Variants in OPA1 observed in about 807,000 individuals in gnomAD.
OPA1 encodes the protein dynamin-like GTPase OPA1, mitochondrial.
Under a neutral mutation model 152.9 loss-of-function variants are expected in OPA1, and 59 were observed. The ratio of observed to expected loss-of-function variants is 0.39; its 90% CI spans 0.31 to 0.48. The LOEUF (loss-of-function observed/expected upper bound fraction) is 0.48. Ranked by LOEUF, OPA1 falls within the 20% of genes least tolerant of loss-of-function variation. The pLI, the probability that OPA1 is intolerant of heterozygous loss-of-function variation, is 0.96. For synonymous variants in OPA1, 400 were observed against 389.9 expected, an observed-to-expected ratio of 1.03 and a Z score of -0.31; for missense variants, 1,008 against 1,216.8, an observed-to-expected ratio of 0.83 and a Z score of 2.55.
Position 193,643,609 on chromosome 3 carries a change from A to G in OPA1, c.1459A>G (p.Ile487Val), listed in dbSNP as rs387906899. ...SKAYMQNPNA[I>V]ILCIQDGSVD... ...AGCTTACATGCAGAATCCTAATGCC[A>G]TCATACTGTGTATTCAAGGTAAATC... The change falls in exon 15 of 31, where the codon ATC becomes GTC. Residue 487 changes from isoleucine to valine, a missense_variant. Around this residue, in one of 7 missense-constraint regions of OPA1, gnomAD observed 213 missense variants for 291.4 expected, o/e 0.73. Transcript: ENST00000361510. The G allele has an allele frequency of 6.2e-7, 1 of 1,613,086 alleles. No individual in the cohort carries two copies. The highest frequency in any genetic ancestry group is 1.3e-5 in the African/African-American group (1 of 75,024).
chr3:193,607,581 G>A (rs1727488659), intron 1 of OPA1, among the ~76,000 whole-genome samples: 1 of 152,140 alleles, frequency 6.6e-6, no homozygotes, highest in African/African-American at 2.4e-5. Flanking sequence ...TTGTAGATAT[G>A]CGGCGTTATT....
Position 193,666,326 on chromosome 3 carries a change from C to T in OPA1, c.2809C>T (p.Arg937Cys), listed in dbSNP as rs368227232. 6.2e-6 allele frequency: 10 copies of T among 1,613,912 alleles called. No individual in the cohort carries two copies. The highest frequency in any genetic ancestry group is 3.3e-5 in the Admixed American group (2 of 60,002). The change falls in exon 28 of 31, where the codon CGT becomes TGT. Residue 937 changes from arginine (R) to cysteine (C), a missense_variant. Arg to Cys is a radical substitution (Grantham distance 180, BLOSUM62 -3). Transcript: ENST00000361510. ...LECNDVVLFW[R>C]IQRMLAITAN... ...ATGCAATGATGTGGTCTTGTTTTGGCGTATACAGCGCATGCTTGCTATCAC... is the reference window on the plus strand; with the variant it reads ...ATGCAATGATGTGGTCTTGTTTTGGTGTATACAGCGCATGCTTGCTATCAC...
At chr3:193,631,984 C>A (rs1281693473) in intron 8 of OPA1, among the ~76,000 whole-genome samples, 2 of 152,146 alleles carry the variant, frequency 1.3e-5, no homozygotes, top group African/African-American at 4.8e-5. Flanking sequence ...TAAAGAAATT[C>A]GAGTTGAGTC....
chr3:193,643,464 G>T lies in OPA1; in HGVS notation c.1377+20G>T. 6.2e-7 allele frequency: 1 copy of T among 1,606,340 alleles called. No individual in the cohort carries two copies. Among genetic ancestry groups the T allele is most frequent in the Non-Finnish European group, 8.5e-7 (1 of 1,173,068 alleles). On this transcript the variant is annotated intron_variant, in intron 14 of 30. Coordinates refer to ENST00000361510, the MANE Select transcript of OPA1 (RefSeq NM_130837.3). ...ATTAATGTAAGTATATACAAAACAT[G>T]TATTTTATTTTATTCTTATTGTGTG...
At chr3:193,690,394 C>T (rs1247158713) in intron 29 of OPA1, among the ~76,000 whole-genome samples, 1 of 139,332 alleles carries the variant, frequency 7.2e-6, no homozygotes, top group East Asian at 2.2e-4. Flanking sequence ...GGCATAGTGG[C>T]ACTCACCTGT....
intron 6 of OPA1, among the ~76,000 whole-genome samples, chr3:193,620,931 C>G (rs1282367465): frequency 2.6e-5 from 4 of 152,190 alleles, no homozygotes; most frequent in Non-Finnish European, 5.9e-5. Context: ...CTTAGCAGTA[C>G]CCTTTTTGAA....
intron 29 of OPA1, among the ~76,000 whole-genome samples, chr3:193,679,884 T>C (rs1472815485): frequency 2.6e-5 from 4 of 152,214 alleles, no homozygotes; most frequent in African/African-American, 9.6e-5. Context: ...TTTTCCAGTT[T>C]AATGGAATAA....
intron 1 of OPA1, among the ~76,000 whole-genome samples, chr3:193,598,331 G>C (rs1382734071): frequency 2.6e-5 from 4 of 152,176 alleles, no homozygotes; most frequent in African/African-American, 9.7e-5. Context: ...TAGAGGGCAA[G>C]GTCATCTACT....
intron 16 of OPA1, 76 bp from the exon 17 acceptor site, chr3:193,645,477 T>C: frequency 9.0e-7 from 1 of 1,107,714 alleles, no homozygotes; most frequent in Non-Finnish European, 1.3e-6. Flanking sequence ...TTATTTTGCT[T>C]TCTAAATTGT....
chr3:193,623,776 A>G (rs1415885893), intron 6 of OPA1, among the ~76,000 whole-genome samples: 3 of 152,206 alleles, frequency 2.0e-5, no homozygotes, highest in Non-Finnish European at 4.4e-5. Context: ...TATCTTGCAC[A>G]GTAGGTGCAT....
At chr3:193,664,855 T>A (rs368680303) in intron 26 of OPA1, 25 bp from the exon 27 acceptor site, 3 of 1,227,216 alleles carry the variant, frequency 2.4e-6, no homozygotes, top group Non-Finnish European at 2.4e-6. Flanking sequence ...ACAGTAACTC[T>A]GGGCTTTCTT....
At chr3:193,662,263 GA>G (rs2109225446) in intron 25 of OPA1, among the ~76,000 whole-genome samples, 1 of 152,278 alleles carries the variant, frequency 6.6e-6, no homozygotes, top group South Asian at 2.1e-4. Flanking sequence ...GTGAATTTAA[GA>G]AGGACAGATA....
At position 193,618,846 on chromosome 3, in the gene OPA1, A is replaced by G. The variant is rs1483336286; in HGVS notation, c.611-23A>G. The G allele has an allele frequency of 1.9e-6, 3 of 1,593,762 alleles. No individual in the cohort carries two copies. The South Asian group carries it at 3.3e-5, about 18-fold the overall frequency. On this transcript the variant is annotated intron_variant, in intron 5 of 30. Coordinates refer to ENST00000361510, the MANE Select transcript of OPA1 (RefSeq NM_130837.3). ...CTGTTGACATCACTGGAGAATGTAA[A>G]GGGTTGCATATTTATCTTTAAGGTT...
chr3:193,607,383 G>T (rs1454472021), intron 1 of OPA1, among the ~76,000 whole-genome samples: 2 of 152,192 alleles, frequency 1.3e-5, no homozygotes, highest in Admixed American at 6.5e-5. Flanking sequence ...TTTCTTCTAG[G>T]ATTTTTATGG....
intron 29 of OPA1, among the ~76,000 whole-genome samples, chr3:193,681,854 C>T (rs1482610549): frequency 6.7e-6 from 1 of 148,520 alleles, no homozygotes; most frequent in Non-Finnish European, 1.5e-5. Context: ...ACCAACTAGA[C>T]ATTCCCTGTC....
At chr3:193,643,926 CTACTT>C (rs1199592579) in intron 15 of OPA1, 44 bp from the exon 16 acceptor site, 2 of 1,595,934 alleles carry the variant, frequency 1.3e-6, no homozygotes, top group Admixed American at 1.7e-5. Context: ...TTTTAAAAGT[CTACTT>C]TACATCTTAA....
chr3:193,631,579 T>C (rs764036757), intron 7 of OPA1, 33 bp from the exon 8 acceptor site: 3 of 1,527,916 alleles, frequency 2.0e-6, no homozygotes, highest in African/African-American at 2.7e-5. Flanking sequence ...ATAAACCTAA[T>C]TCTATTCAAC....
intron 8 of OPA1, 99 bp downstream of exon 8, chr3:193,631,764 T>G (rs967245379): frequency 2.0e-6 from 2 of 991,682 alleles, no homozygotes; most frequent in Admixed American, 1.8e-5. Flanking sequence ...GAGCAAAATT[T>G]GGAAGGTGTA....
chr3:193,600,307 A>C (rs1726271673), intron 1 of OPA1, among the ~76,000 whole-genome samples: 2 of 152,196 alleles, frequency 1.3e-5, no homozygotes, highest in Admixed American at 1.3e-4. Flanking sequence ...ATGGAGTCTC[A>C]CACATCTTCT....
Sources: gnomAD v4.1 joint callset for allele counts (sites outside exome capture counted in the v4.1 genomes callset) on GRCh38, gnomAD v4.1.1 for gene constraint, gnomAD v4.1.1 regional missense constraint, MANE v1.5 for transcripts, NCBI Gene and HGNC (gene_info 2026-07-23, HGNC 2026-07-21) for gene names.